The following PNPLA7 variants were observed in gnomAD, a reference collection of about 807,000 sequenced individuals.
PNPLA7 encodes patatin like domain 7, lysophospholipase.
Under a neutral mutation model 161.7 loss-of-function variants are expected in PNPLA7, and 153 were observed. That is an observed-to-expected ratio of 0.95 (90% CI 0.83 to 1.08). PNPLA7 has a LOEUF of 1.08. PNPLA7 is among the 50% of genes least tolerant of loss of function. The pLI, the probability that PNPLA7 is intolerant of heterozygous loss-of-function variation, is 0.00. For synonymous variants in PNPLA7, 809 were observed against 782.1 expected, an observed-to-expected ratio of 1.03 and a Z score of -0.57; for missense variants, 1,739 against 1,856.6, an observed-to-expected ratio of 0.94 and a Z score of 1.16.
rs1434390812 is a variant in PNPLA7 at position 137,490,206 on chromosome 9, AC to A, written c.2197+2806del. 6.6e-6 allele frequency among the ~76,000 whole-genome samples: 1 copy of A among 152,128 alleles called. No homozygotes were observed. Among genetic ancestry groups the A allele is most frequent in the Non-Finnish European group, 1.5e-5 (1 of 68,022 alleles). On this transcript the variant is annotated intron_variant, in intron 20 of 34. Transcript: ENST00000406427. The surrounding 1 kb of genome is among the most constrained non-coding windows in gnomAD (Gnocchi z 4.1). ...ACTCCGAGGCCCAAACGATCCTCCC[AC>A]CTCAACCCTCTGCATAGCTGGGACG...
At chr9:137,549,819 A>C (rs1040066292) in intron 1 of PNPLA7, among the ~76,000 whole-genome samples, 1 of 152,168 alleles carries the variant, frequency 6.6e-6, no homozygotes, top group Non-Finnish European at 1.5e-5. Flanking sequence ...GGTTCTAAGC[A>C]AAACCATCAG....
At chr9:137,498,591 G>T (rs748826371) in intron 16 of PNPLA7, among the ~76,000 whole-genome samples, 2 of 152,248 alleles carry the variant, frequency 1.3e-5, no homozygotes, top group Non-Finnish European at 2.9e-5. Context: ...CGGGCCGTGG[G>T]TGTGGCTGGC....
intron 14 of PNPLA7, 56 bp downstream of exon 14, chr9:137,505,558 A>G: frequency 6.3e-7 from 1 of 1,597,980 alleles, no homozygotes; most frequent in Non-Finnish European, 8.6e-7. Context: ...AGAGGCAGAG[A>G]GGAGGCCACG....
intron 21 of PNPLA7, among the ~76,000 whole-genome samples, chr9:137,483,953 A>G (rs1832343675): frequency 6.6e-6 from 1 of 151,838 alleles, no homozygotes; most frequent in South Asian, 2.1e-4. Flanking sequence ...TTATTATTTG[A>G]GACAGAATCT....
chr9:137,480,675 CCCAGAGGCTGA>C (rs1187274170), intron 22 of PNPLA7, 195 bp from the exon 23 acceptor site: 2 of 753,674 alleles, frequency 2.7e-6, no homozygotes, highest in Non-Finnish European at 4.2e-6. Flanking sequence ...TGCAGTTAAG[CCCAGAGGCTGA>C]GGCTCGTTGA....
At chr9:137,548,852 T>C (rs1836687184) in intron 1 of PNPLA7, among the ~76,000 whole-genome samples, 1 of 152,160 alleles carries the variant, frequency 6.6e-6, no homozygotes, top group Non-Finnish European at 1.5e-5. Flanking sequence ...AGCTGAGCCC[T>C]TCGAACTTGG....
In PNPLA7 at chr9:137,547,233, G is replaced by T; in HGVS notation, c.193+76C>A. The stretch of plus-strand genomic sequence containing the variant: ...ACCATGCGCTTGAGGGCCCCTCCCA[G>T]GGGCTCAAAACACATCCCAAGACAC... On this transcript the variant is annotated intron_variant, in intron 3 of 34. Coordinates refer to ENST00000406427, the MANE Select transcript of PNPLA7 (RefSeq NM_001098537.3). The surrounding 1 kb of genome is among the most constrained non-coding windows in gnomAD (Gnocchi z 4.6). The T allele has an allele frequency of 7.0e-7, 1 of 1,429,686 alleles. No individual in the cohort carries two copies. Among genetic ancestry groups the T allele is most frequent in the Non-Finnish European group, 9.8e-7 (1 of 1,016,096 alleles). 88.6% of individuals were successfully genotyped at this position (1,429,686 alleles called of 1,614,324 possible). A position where few individuals can be genotyped will look rare whatever the true frequency, so the allele number is the denominator to read the frequency against.
At chr9:137,535,113 C>T (rs182780902) in intron 8 of PNPLA7, among the ~76,000 whole-genome samples, 3 of 151,954 alleles carry the variant, frequency 2.0e-5, no homozygotes, top group African/African-American at 7.3e-5. Flanking sequence ...GGCTGGCCAG[C>T]CTCTGTCCTC....
chr9:137,481,609 C>T (rs192569233), intron 21 of PNPLA7, among the ~76,000 whole-genome samples: 12 of 152,218 alleles, frequency 7.9e-5, no homozygotes, highest in African/African-American at 1.9e-4. Context: ...TTGGCAGTGC[C>T]GGGTGGGAAA....
At chr9:137,515,619 C>G in intron 11 of PNPLA7, 100 bp from the exon 12 acceptor site, 2 of 1,383,408 alleles carry the variant, frequency 1.4e-6, no homozygotes, top group Non-Finnish European at 1.9e-6. Flanking sequence ...CCCCACAGTG[C>G]CCTGCGCACC....
intron 25 of PNPLA7, among the ~76,000 whole-genome samples, chr9:137,471,187 C>T (rs1235412717): frequency 1.3e-5 from 2 of 152,202 alleles, no homozygotes; most frequent in Non-Finnish European, 2.9e-5. Context: ...CAAAAAGAAT[C>T]TACAACAAAG....
At chr9:137,461,434 G>T in intron 33 of PNPLA7, 102 bp downstream of exon 33, 3 of 1,252,658 alleles carry the variant, frequency 2.4e-6, no homozygotes, top group South Asian at 3.0e-5. Context: ...GGACGTGGGC[G>T]GGAGGGGAGG....
chr9:137,527,602 C>T (rs1835367476), intron 8 of PNPLA7, among the ~76,000 whole-genome samples: 2 of 152,116 alleles, frequency 1.3e-5, no homozygotes, highest in Admixed American at 1.3e-4. Context: ...GGAATAAATC[C>T]CACTGATCAT....
At position 137,537,176 on chromosome 9, in the gene PNPLA7, T is replaced by C. The variant is rs1263961688; in HGVS notation, c.747+3466A>G. ...CACTGTTGATAAAACTTTAAGTATG[T>C]TTTTAGAATCTGTCCATGTTATTTT... is the stretch of plus-strand genomic sequence containing the variant. On this transcript the variant is annotated intron_variant, in intron 8 of 34. Coordinates refer to ENST00000406427, the MANE Select transcript of PNPLA7 (RefSeq NM_001098537.3). This position sits in a 1 kb window ranked among gnomAD's most constrained non-coding sequence, Gnocchi z 4.5. Among the ~76,000 whole-genome samples the C allele has an allele frequency of 2.6e-5, 4 of 152,202 alleles. No homozygotes were observed. The highest frequency in any genetic ancestry group is 2.9e-5 in the Non-Finnish European group (2 of 68,040).
chr9:137,525,195 C>G (rs182705026), intron 8 of PNPLA7, among the ~76,000 whole-genome samples: 17 of 152,326 alleles, frequency 1.1e-4, no homozygotes, highest in Admixed American at 6.5e-4. Context: ...AGCCAAAGTT[C>G]AGGCAAACGT....
chr9:137,461,351 A>G, intron 33 of PNPLA7, 185 bp downstream of exon 33: 1 of 608,148 alleles, frequency 1.6e-6, no homozygotes. Flanking sequence ...TCACAGTCCC[A>G]CTGCTGTGGG....
chr9:137,541,476 C>G lies in PNPLA7; in HGVS notation c.667-754G>C, dbSNP rs1182425016. The G allele has an allele frequency of 1.0e-6, 1 of 985,356 alleles. No individual in the cohort carries two copies. The highest frequency in any genetic ancestry group is 1.7e-5 in the African/African-American group (1 of 57,252). The allele number at this position is 985,356 out of a possible 1,614,324, so 61.0% of individuals were successfully genotyped here. A position where few individuals can be genotyped will look rare whatever the true frequency, so the allele number is the denominator to read the frequency against. On this transcript the variant is annotated intron_variant, in intron 7 of 34. Coordinates refer to ENST00000406427, the MANE Select transcript of PNPLA7 (RefSeq NM_001098537.3). This position sits in a 1 kb window ranked among gnomAD's most constrained non-coding sequence, Gnocchi z 4.4. ...GGTCTAGAAACCCCGACAGGCAGTGCCGGAGCTGGCGTGGGATCACAGCCC... is the reference window on the plus strand; with the variant it reads ...GGTCTAGAAACCCCGACAGGCAGTGGCGGAGCTGGCGTGGGATCACAGCCC...
rs375373628 is a variant in PNPLA7 at position 137,515,401 on chromosome 9, G to T, written c.1203C>A (p.Asp401Glu). ...LEELEKPGAG[D>E]PDPSAPQGGP... Reference sequence around the variant, plus strand: ...TACCTTGTGGGGCCGAAGGGTCAGGGTCACCTGCCCCGGGCTTCTCCAGCT... The same window carrying T: ...TACCTTGTGGGGCCGAAGGGTCAGGTTCACCTGCCCCGGGCTTCTCCAGCT... The change falls in exon 12 of 35, where the codon GAC becomes GAA. Residue 401 changes from aspartate (D) to glutamate (E), a missense_variant. Asp to Glu is a conservative substitution (Grantham distance 45, BLOSUM62 2). This residue lies in a region of PNPLA7 where 481 missense variants were observed against 450.0 expected (regional missense o/e 1.07). Transcript: ENST00000406427. 5 of 1,604,526 alleles carry T rather than the reference G, an allele frequency of 3.1e-6. No homozygotes were observed. The highest frequency in any genetic ancestry group is 3.4e-5 in the Admixed American group (2 of 58,776).
chr9:137,501,526 A>C (rs1368211154), intron 15 of PNPLA7, 124 bp downstream of exon 15: 1 of 913,614 alleles, frequency 1.1e-6, no homozygotes, highest in Non-Finnish European at 1.7e-6. Context: ...CCAGAGGGGC[A>C]GTGGCCCGGT....
Sources: allele counts gnomAD v4.1 joint callset (sites outside exome capture counted in the v4.1 genomes callset), GRCh38; gene constraint gnomAD v4.1.1; regional missense constraint gnomAD v4.1.1; non-coding constraint Gnocchi (gnomAD v3.1); transcripts MANE v1.5; gene names NCBI Gene and HGNC (gene_info 2026-07-23, HGNC 2026-07-21).